Variants in TRPC4 observed in about 807,000 individuals in gnomAD.
TRPC4 encodes short transient receptor potential channel 4.
A neutral mutation model predicts 99.4 loss-of-function variants in TRPC4; 49 were observed. The observed-to-expected ratio is 0.49, with a 90% CI of 0.39 to 0.63. TRPC4 has a LOEUF of 0.63. TRPC4 is among the 20% of genes least tolerant of loss of function. The pLI, the probability that TRPC4 is intolerant of heterozygous loss-of-function variation, is 0.00. For synonymous variants in TRPC4, 454 were observed against 425.9 expected (o/e 1.07, Z -0.81); for missense variants, 898 against 1,152.9 (o/e 0.78, Z 3.20).
chr13:37,824,994 G>A (rs890924627), intron 1 of TRPC4, among the ~76,000 whole-genome samples: 1 of 151,962 alleles, frequency 6.6e-6, no homozygotes, highest in Non-Finnish European at 1.5e-5. Context: ...TCCTGGTTTA[G>A]TCTTGGGAGA....
chr13:37,728,086 T>C (rs1955121891), intron 3 of TRPC4, among the ~76,000 whole-genome samples: 1 of 151,952 alleles, frequency 6.6e-6, no homozygotes, highest in South Asian at 2.1e-4. Flanking sequence ...ATGGACATCA[T>C]ACTCAATGGT....
chr13:37,841,564 A>G (rs1958730308), intron 1 of TRPC4, among the ~76,000 whole-genome samples: 1 of 151,994 alleles, frequency 6.6e-6, no homozygotes, highest in Non-Finnish European at 1.5e-5. Context: ...AATAAAAACA[A>G]TTAGAAAATA....
At chr13:37,725,838 A>C (rs1955035943) in intron 3 of TRPC4, among the ~76,000 whole-genome samples, 2 of 152,164 alleles carry the variant, frequency 1.3e-5, no homozygotes, top group African/African-American at 4.8e-5. Context: ...GTTTGAAATG[A>C]AAGGACATTA....
At chr13:37,681,226 A>G (rs17056431) in intron 4 of TRPC4, among the ~76,000 whole-genome samples, 49 of 152,208 alleles carry the variant, frequency 3.2e-4, no homozygotes, top group Non-Finnish European at 6.6e-4. Flanking sequence ...CAAAACTCAC[A>G]ATGCTGATAT....
chr13:37,666,897 A>G (rs1405581871), intron 5 of TRPC4, among the ~76,000 whole-genome samples: 1 of 151,930 alleles, frequency 6.6e-6, no homozygotes, highest in Non-Finnish European at 1.5e-5. Flanking sequence ...TCAACTCTCA[A>G]TGACTATTCT....
rs567013571 is a variant in TRPC4 at position 37,753,176 on chromosome 13, T to C, written c.379-6721A>G. On this transcript the variant is annotated intron_variant, in intron 2 of 10. Transcript: ENST00000379705. ...TGGAACTAGCAATGTAAAACAGTTATAAGAAAATGACAGCATCAAAGAGAA... is the reference window on the plus strand; with the variant it reads ...TGGAACTAGCAATGTAAAACAGTTACAAGAAAATGACAGCATCAAAGAGAA... 5.3e-5 allele frequency among the ~76,000 whole-genome samples: 8 copies of C among 152,156 alleles called. No homozygotes were observed. The South Asian group carries it at 1.7e-3, about 32-fold the overall frequency.
At chr13:37,692,370 C>A in intron 3 of TRPC4, 35 bp from the exon 4 acceptor site, 1 of 1,569,722 alleles carries the variant, frequency 6.4e-7, no homozygotes, top group South Asian at 1.2e-5. Flanking sequence ...AAAAATAAGT[C>A]ACAGTTACAT....
chr13:37,821,206 A>ACACACC (rs1555278006), intron 1 of TRPC4, among the ~76,000 whole-genome samples: 54 of 150,586 alleles, frequency 3.6e-4, no homozygotes, highest in African/African-American at 1.3e-3. Flanking sequence ...ACACACACAC[A>ACACACC]CACACACACA....
chr13:37,719,416 C>T (rs1247401623), intron 3 of TRPC4, among the ~76,000 whole-genome samples: 1 of 151,836 alleles, frequency 6.6e-6, no homozygotes, highest in Non-Finnish European at 1.5e-5. Flanking sequence ...ATATTTGTTG[C>T]CAACAGACAT....
intron 2 of TRPC4, among the ~76,000 whole-genome samples, chr13:37,753,358 T>A (rs1227814310): frequency 6.6e-6 from 1 of 152,082 alleles, no homozygotes; most frequent in East Asian, 1.9e-4. Context: ...TATAGAAGAA[T>A]TTAGCCAGGA....
In TRPC4 at chr13:37,776,399, T is replaced by A. The variant is rs151257059; in HGVS notation, c.378+6557A>T. Among the ~76,000 whole-genome samples, 746 of 151,952 alleles carry A rather than the reference T, an allele frequency of 4.9e-3. 4 individuals carry two copies. The highest frequency in any genetic ancestry group is 0.017 in the African/African-American group (717 of 41,490). On this transcript the variant is annotated intron_variant, in intron 2 of 10. Coordinates refer to ENST00000379705, the MANE Select transcript of TRPC4 (RefSeq NM_016179.4). ...ATGTCTCAATATGGGATAAGTATTT[T>A]ATGGGGAGAAATGAGCGTCTTTAAT...
chr13:37,857,481 C>G (rs1279887399), intron 1 of TRPC4, among the ~76,000 whole-genome samples: 1 of 151,412 alleles, frequency 6.6e-6, no homozygotes, highest in Non-Finnish European at 1.5e-5. Context: ...GCAAAAATAA[C>G]AGAACTGGAG....
intron 4 of TRPC4, among the ~76,000 whole-genome samples, chr13:37,678,211 T>C (rs146388097): frequency 2.6e-5 from 4 of 151,686 alleles, no homozygotes; most frequent in South Asian, 2.1e-4. Context: ...ATTAAGACAG[T>C]ATAAAAAGAA....
At chr13:37,715,335 C>G (rs1281524836) in intron 3 of TRPC4, among the ~76,000 whole-genome samples, 1 of 152,156 alleles carries the variant, frequency 6.6e-6, no homozygotes, top group Non-Finnish European at 1.5e-5. Flanking sequence ...AGTAATGCAT[C>G]TTTGCATAGG....
chr13:37,752,075 C>CTATATACATATATATA (rs1555266916), intron 2 of TRPC4, among the ~76,000 whole-genome samples: 4 of 73,952 alleles, frequency 5.4e-5, no homozygotes, highest in Admixed American at 4.2e-4. Context: ...AAGCAGAAAA[C>CTATATACATATATATA]TATATATATA....
rs1206228090 is a variant in TRPC4, at chr13:37,648,124, G to T, written c.2079+3141C>A. On this transcript the variant is annotated intron_variant, in intron 8 of 10. Coordinates refer to ENST00000379705, the MANE Select transcript of TRPC4 (RefSeq NM_016179.4). ...CGCGCAGCTAATTTTTGTATTTTTG[G>T]TAGAGACAGGGTTTCACCGTGTTGG... is the stretch of plus-strand genomic sequence containing the variant. 4.6e-5 allele frequency among the ~76,000 whole-genome samples: 7 copies of T among 152,134 alleles called. No homozygotes were observed. In the South Asian group the frequency reaches 1.2e-3, roughly 27 times the overall value.
chr13:37,852,860 CA>C (rs1566225247), intron 1 of TRPC4, among the ~76,000 whole-genome samples: 1 of 152,134 alleles, frequency 6.6e-6, no homozygotes, highest in East Asian at 1.9e-4. Flanking sequence ...TGATGCCCAC[CA>C]GATGAAGCTC....
chr13:37,767,034 A>G (rs17056592), intron 2 of TRPC4, among the ~76,000 whole-genome samples: 15,127 of 151,402 alleles, frequency 0.1, 1,110 homozygotes, highest in African/African-American at 0.21. Flanking sequence ...GAACTAGTCT[A>G]TTGAGTGGGT....
intron 2 of TRPC4, among the ~76,000 whole-genome samples, chr13:37,750,855 G>T: frequency 6.6e-6 from 1 of 151,818 alleles, no homozygotes; most frequent in East Asian, 1.9e-4. Context: ...GTGTCCACGT[G>T]TTCTCATTGT....
Sources: allele counts gnomAD v4.1 joint callset (sites outside exome capture counted in the v4.1 genomes callset), GRCh38; gene constraint gnomAD v4.1.1; transcripts MANE v1.5; gene names NCBI Gene and HGNC (gene_info 2026-07-23, HGNC 2026-07-21).